Variants in KHDRBS2 observed in about 807,000 individuals in gnomAD.
The protein encoded by KHDRBS2 is KH domain-containing, RNA-binding, signal transduction-associated protein 2.
In KHDRBS2, 26 loss-of-function variants were observed where a neutral mutation model predicts 44.3. The observed-to-expected ratio is 0.59, with a 90% confidence interval of 0.43 to 0.81. The LOEUF (loss-of-function observed/expected upper bound fraction) is 0.81. Among genes scored for constraint, KHDRBS2 ranks in the 40% least tolerant of loss-of-function variants. The pLI is 0.00. For synonymous variants in KHDRBS2, 194 were observed against 151.1 expected (o/e 1.28, Z -2.08); for missense variants, 476 against 433.1 (o/e 1.10, Z -0.88).
At chr6:61,874,900 T>A (rs920380550) in intron 6 of KHDRBS2, among the ~76,000 whole-genome samples, 6 of 152,134 alleles carry the variant, frequency 3.9e-5, no homozygotes, top group African/African-American at 1.2e-4. Context: ...ATCTAGCTGA[T>A]AAAAGTCAGT....
chr6:62,096,743 C>T (rs1408759234), intron 2 of KHDRBS2, among the ~76,000 whole-genome samples: 4 of 151,534 alleles, frequency 2.6e-5, no homozygotes, highest in African/African-American at 9.7e-5. Context: ...TTTATTATTT[C>T]TTTCTGTTTA....
downstream of KHDRBS2, among the ~76,000 whole-genome samples, chr6:61,678,679 A>G (rs1237051326): frequency 6.6e-6 from 1 of 151,962 alleles, no homozygotes; most frequent in Admixed American, 6.6e-5. Flanking sequence ...GATTAAATTC[A>G]CAAAGTCTTG....
At chr6:61,916,918 T>C (rs1345249764) in intron 4 of KHDRBS2, among the ~76,000 whole-genome samples, 1 of 150,156 alleles carries the variant, frequency 6.7e-6, no homozygotes, top group Non-Finnish European at 1.5e-5. Context: ...TCCAGAACAC[T>C]GACACCACCA....
At chr6:61,777,148 GA>G (rs1190156213) in intron 6 of KHDRBS2, among the ~76,000 whole-genome samples, 3 of 151,388 alleles carry the variant, frequency 2.0e-5, no homozygotes, top group African/African-American at 7.3e-5. Flanking sequence ...GGGGGTGGGG[GA>G]AGGGGGGACG....
intron 2 of KHDRBS2, among the ~76,000 whole-genome samples, chr6:62,103,487 A>T (rs1802387833): frequency 6.6e-6 from 1 of 152,148 alleles, no homozygotes; most frequent in Non-Finnish European, 1.5e-5. Context: ...CTGGGAGCAG[A>T]GAGAGGACAG....
chr6:62,162,273 G>A (rs1817811673), intron 2 of KHDRBS2, among the ~76,000 whole-genome samples: 1 of 152,106 alleles, frequency 6.6e-6, no homozygotes, highest in African/African-American at 2.4e-5. Context: ...AGGTCTAGTG[G>A]CAATGAACTC....
chr6:61,977,369 G>A (rs1772891021), intron 4 of KHDRBS2, among the ~76,000 whole-genome samples: 1 of 152,042 alleles, frequency 6.6e-6, no homozygotes, highest in Non-Finnish European at 1.5e-5. Flanking sequence ...TCAATCTTTA[G>A]GAAAGCTTCA....
At chr6:62,096,198 T>C (rs746480115) in intron 2 of KHDRBS2, among the ~76,000 whole-genome samples, 6 of 151,918 alleles carry the variant, frequency 3.9e-5, no homozygotes, top group African/African-American at 7.2e-5. Context: ...CCTTGTCTCA[T>C]TTTGAAACCA....
chr6:62,235,320 C>T (rs1349846107), intron 1 of KHDRBS2, among the ~76,000 whole-genome samples: 1 of 151,920 alleles, frequency 6.6e-6, no homozygotes, highest in Non-Finnish European at 1.5e-5. Context: ...CACAACCTTC[C>T]AAATGCTCCT....
intron 1 of KHDRBS2, among the ~76,000 whole-genome samples, chr6:62,223,678 A>C (rs2150153954): frequency 6.6e-6 from 1 of 152,262 alleles, no homozygotes; most frequent in Non-Finnish European, 1.5e-5. Flanking sequence ...GCTGCTTAGA[A>C]GTTTCTTCCA....
At chr6:61,770,825 A>T (rs1047972623) in intron 6 of KHDRBS2, among the ~76,000 whole-genome samples, 3 of 152,172 alleles carry the variant, frequency 2.0e-5, no homozygotes, top group African/African-American at 7.2e-5. Flanking sequence ...AAATTCAGGA[A>T]ATACAGAGAA....
Position 62,151,591 on chromosome 6 carries a change from T to C in KHDRBS2, c.219+25594A>G, listed in dbSNP as rs546249792. Among the ~76,000 whole-genome samples the C allele has an allele frequency of 2.0e-5, 3 of 152,220 alleles. No individual in the cohort carries two copies. The South Asian group carries it at 6.2e-4, about 32-fold the overall frequency. On this transcript the variant is annotated intron_variant, in intron 2 of 8. Transcript: ENST00000281156. ...GGCCTATATAATCTGAAACAGACAA[T>C]GGCACCCATCTTGGAGATACAGATT...
At chr6:62,192,537 A>T (rs1415181644) in intron 1 of KHDRBS2, among the ~76,000 whole-genome samples, 1 of 152,120 alleles carries the variant, frequency 6.6e-6, no homozygotes, top group African/African-American at 2.4e-5. Flanking sequence ...GATGTGCTTG[A>T]ATTTGTATTA....
rs115832143 is a variant in KHDRBS2 at position 61,887,937 on chromosome 6, G to A, written c.810+6698C>T. 2.8e-3 allele frequency among the ~76,000 whole-genome samples: 427 copies of A among 152,154 alleles called. 3 individuals carry two copies. The highest frequency in any genetic ancestry group is 9.5e-3 in the African/African-American group (395 of 41,520). The stretch of plus-strand genomic sequence containing the variant: ...TTGCAGCCAGCAGCCTATCAGTCAC[G>A]TATTAAACCTTACTCATTAAATTGT... On this transcript the variant is annotated intron_variant, in intron 6 of 8. Coordinates refer to ENST00000281156, the MANE Select transcript of KHDRBS2 (RefSeq NM_152688.4).
At chr6:62,126,313 C>A (rs1425297492) in intron 2 of KHDRBS2, among the ~76,000 whole-genome samples, 1 of 152,114 alleles carries the variant, frequency 6.6e-6, no homozygotes, top group Non-Finnish European at 1.5e-5. Context: ...GTCTTGGGTG[C>A]CAATACAGTT....
intron 1 of KHDRBS2, among the ~76,000 whole-genome samples, chr6:62,185,161 A>T (rs528521380): frequency 6.6e-6 from 1 of 152,072 alleles, no homozygotes; most frequent in African/African-American, 2.4e-5. Context: ...TGATATTATT[A>T]CACCTCACAT....
chr6:61,647,068 C>T, the KHDRBS2 span, among the ~76,000 whole-genome samples: 1 of 152,122 alleles, frequency 6.6e-6, no homozygotes, highest in African/African-American at 2.4e-5. Flanking sequence ...ATCCACCCGC[C>T]TCGGCCTCCC....
At chr6:61,928,461 T>C (rs1286874412) in intron 4 of KHDRBS2, among the ~76,000 whole-genome samples, 2 of 152,160 alleles carry the variant, frequency 1.3e-5, no homozygotes, top group African/African-American at 4.8e-5. Context: ...TATGAGTCTA[T>C]TATTTGTATA....
At chr6:62,162,126 TTAAGA>T (rs1268283755) in intron 2 of KHDRBS2, among the ~76,000 whole-genome samples, 1 of 152,102 alleles carries the variant, frequency 6.6e-6, no homozygotes, top group Non-Finnish European at 1.5e-5. Context: ...CAAACCATTG[TTAAGA>T]TAATACTAGC....
Sources: allele counts gnomAD v4.1 joint callset (sites outside exome capture counted in the v4.1 genomes callset), GRCh38; gene constraint gnomAD v4.1.1; transcripts MANE v1.5; gene names NCBI Gene and HGNC (gene_info 2026-07-23, HGNC 2026-07-21).